Variants in RIGI observed in about 807,000 individuals in gnomAD.
RIGI encodes the protein antiviral innate immune response receptor RIG-I.
chr9:32,519,701 T>G, the RIGI span, among the ~76,000 whole-genome samples: 1 of 152,188 alleles, frequency 6.6e-6, no homozygotes, highest in Non-Finnish European at 1.5e-5. Context: ...AAATTGGCTT[T>G]GTCTTTAAGG....
chr9:32,465,528 C>CATT, the RIGI span, among the ~76,000 whole-genome samples: 1 of 152,162 alleles, frequency 6.6e-6, no homozygotes, highest in African/African-American at 2.4e-5. Flanking sequence ...AGATGCAATG[C>CATT]ATACATCTCA....
the RIGI span, among the ~76,000 whole-genome samples, chr9:32,515,603 AATC>A: frequency 6.6e-6 from 1 of 152,074 alleles, no homozygotes; most frequent in African/African-American, 2.4e-5. Flanking sequence ...TTCATTTGTG[AATC>A]ATATTTTCAA....
the RIGI span, chr9:32,480,300 C>T: frequency 6.2e-7 from 1 of 1,609,994 alleles, no homozygotes; most frequent in Non-Finnish European, 8.5e-7. Context: ...TTCAAGTAAT[C>T]CAGAGCATCT....
chr9:32,470,254 AT>A, the RIGI span, among the ~76,000 whole-genome samples: 1 of 152,252 alleles, frequency 6.6e-6, no homozygotes, highest in Non-Finnish European at 1.5e-5. Context: ...TTTAACATAC[AT>A]TGAGCACTCA....
the RIGI span, chr9:32,485,060 AC>A: frequency 1.4e-6 from 1 of 691,024 alleles, no homozygotes; most frequent in Non-Finnish European, 2.4e-6. Context: ...AAGGAAGACA[AC>A]CTCTGGATAT....
chr9:32,488,110 C>A, the RIGI span: 11 of 1,614,154 alleles, frequency 6.8e-6, no homozygotes, highest in Non-Finnish European at 8.5e-6. Context: ...TCACAAGAAT[C>A]TGTGGAGTTA....
chr9:32,507,871 T>C, the RIGI span, among the ~76,000 whole-genome samples: 177 of 152,300 alleles, frequency 1.2e-3, no homozygotes, highest in African/African-American at 4.2e-3. Context: ...GACCAAAACC[T>C]GGATTCTGCT....
At chr9:32,497,968 T>C in the RIGI span, among the ~76,000 whole-genome samples, 2 of 152,214 alleles carry the variant, frequency 1.3e-5, no homozygotes, top group African/African-American at 2.4e-5. Context: ...AAATAACTTA[T>C]AATATCCAGA....
chr9:32,503,648 G>T, the RIGI span, among the ~76,000 whole-genome samples: 1 of 152,068 alleles, frequency 6.6e-6, no homozygotes, highest in African/African-American at 2.4e-5. Flanking sequence ...CCTGGCTCAC[G>T]CATGTGTCCA....
At chr9:32,519,269 GT>G in the RIGI span, among the ~76,000 whole-genome samples, 6 of 152,156 alleles carry the variant, frequency 3.9e-5, no homozygotes, top group African/African-American at 1.4e-4. Flanking sequence ...ATGGCTTTTA[GT>G]TTCTAATGTA....
At chr9:32,513,532 A>C in the RIGI span, among the ~76,000 whole-genome samples, 311 of 152,338 alleles carry the variant, frequency 2.0e-3, no homozygotes, top group African/African-American at 7.3e-3. Context: ...CATATACAGA[A>C]AACTGAAACT....
chr9:32,524,854 G>C, the RIGI span, among the ~76,000 whole-genome samples: 3 of 151,908 alleles, frequency 2.0e-5, no homozygotes, highest in African/African-American at 7.3e-5. Context: ...ACCCGCCTAG[G>C]CCTCCCAAAG....
the RIGI span, among the ~76,000 whole-genome samples, chr9:32,513,393 T>A: frequency 6.6e-6 from 1 of 152,088 alleles, no homozygotes; most frequent in African/African-American, 2.4e-5. Context: ...TATAGACCAA[T>A]GGAACAGAAC....
chr9:32,492,587 C>G, the RIGI span: 8 of 1,604,858 alleles, frequency 5.0e-6, no homozygotes, highest in South Asian at 7.7e-5. Flanking sequence ...AAAAGTTTTC[C>G]CTTTATCAAT....
At chr9:32,466,345 A>C in the RIGI span, 13 of 1,613,874 alleles carry the variant, frequency 8.1e-6, no homozygotes, top group Non-Finnish European at 1.1e-5. Flanking sequence ...AGAGTCATTC[A>C]TCATTTTTTC....
chr9:32,503,054 C>G, the RIGI span, among the ~76,000 whole-genome samples: 1 of 152,138 alleles, frequency 6.6e-6, no homozygotes, highest in Non-Finnish European at 1.5e-5. Context: ...ATCTTGTCAC[C>G]TATCCCAGCT....
chr9:32,507,230 G>GA, the RIGI span, among the ~76,000 whole-genome samples: 1 of 152,100 alleles, frequency 6.6e-6, no homozygotes, highest in Non-Finnish European at 1.5e-5. Context: ...CTACAAATTT[G>GA]AAAATAAAAC....
At chr9:32,457,039 G>A in the RIGI span, 26 of 1,045,734 alleles carry the variant, frequency 2.5e-5, no homozygotes, top group Non-Finnish European at 3.3e-5. Context: ...GGGTACAAGC[G>A]ATCCATGATT....
the RIGI span, among the ~76,000 whole-genome samples, chr9:32,521,380 C>T: frequency 2.0e-5 from 3 of 151,978 alleles, no homozygotes; most frequent in African/African-American, 7.3e-5. Context: ...TTTAGTTGGC[C>T]TCATGCTGTC....
Sources: allele counts gnomAD v4.1 joint callset (sites outside exome capture counted in the v4.1 genomes callset), GRCh38; gene constraint gnomAD v4.1.1; transcripts MANE v1.5; gene names NCBI Gene and HGNC (gene_info 2026-07-23, HGNC 2026-07-21).